The following HMGB1 variants were observed in gnomAD, a reference collection of about 807,000 sequenced individuals.
HMGB1 encodes high mobility group box 1, also known as high mobility group protein B1.
For synonymous variants in HMGB1, 81 were observed against 84.0 expected (o/e 0.96, Z 0.19); for missense variants, 79 against 253.5 (o/e 0.31, Z 4.67).
Position 30,460,042 on chromosome 13 carries a change from CGAT to C in HMGB1, c.*1312_*1314del, listed in dbSNP as rs568619692. On this transcript the variant is annotated 3_prime_UTR_variant, in exon 5 of 5. Coordinates refer to ENST00000341423, the MANE Select transcript of HMGB1 (RefSeq NM_002128.7). Reference sequence around the variant, plus strand: ...TTAAAATACTGGCACTTTAAGAAAACGATAATCTCGAAAACCACAAAATTGCCA... The same window carrying C: ...TTAAAATACTGGCACTTTAAGAAAACAATCTCGAAAACCACAAAATTGCCA... 2.0e-5 allele frequency: 3 copies of C among 152,450 alleles called. No individual in the cohort carries two copies. The highest frequency in any genetic ancestry group is 4.4e-5 in the Non-Finnish European group (3 of 67,950). The allele number at this position is 152,450 out of a possible 1,614,324, so 9.4% of individuals were successfully genotyped here.
chr13:30,515,974 A>C (rs550402566), intron 1 of HMGB1, among the ~76,000 whole-genome samples: 1 of 152,314 alleles, frequency 6.6e-6, no homozygotes, highest in Admixed American at 6.5e-5. Flanking sequence ...GGTTTCTAAA[A>C]ATTTTTATTT....
chr13:30,571,219 T>C (rs1196850724), intron 1 of HMGB1, among the ~76,000 whole-genome samples: 1 of 152,014 alleles, frequency 6.6e-6, no homozygotes, highest in African/African-American at 2.4e-5. Context: ...CAAGAAACAA[T>C]GTAGAAAGTT....
chr13:30,616,963 C>G (rs1432358001), exon 1 of HMGB1: 1 of 152,218 alleles, frequency 6.6e-6, no homozygotes, highest in Non-Finnish European at 1.5e-5. Flanking sequence ...ACCAAAAGGA[C>G]TTCTGGAATA....
chr13:30,544,853 C>G (rs1430053862), intron 1 of HMGB1, among the ~76,000 whole-genome samples: 1 of 152,170 alleles, frequency 6.6e-6, no homozygotes, highest in Admixed American at 6.5e-5. Context: ...CCTGAGCTTT[C>G]TCTGCAACTG....
At chr13:30,523,163 C>A (rs1368547599) in intron 1 of HMGB1, among the ~76,000 whole-genome samples, 2 of 152,232 alleles carry the variant, frequency 1.3e-5, no homozygotes, top group Non-Finnish European at 2.9e-5. Flanking sequence ...CCAGCAGGTA[C>A]AGTAGACATC....
At chr13:30,493,447 TC>T (rs1305181922) in intron 1 of HMGB1, among the ~76,000 whole-genome samples, 1 of 152,022 alleles carries the variant, frequency 6.6e-6, no homozygotes, top group Non-Finnish European at 1.5e-5. Context: ...AACGAGAAAA[TC>T]TGGGGGATGA....
chr13:30,500,171 C>T (rs1887701824), intron 1 of HMGB1, among the ~76,000 whole-genome samples: 1 of 152,136 alleles, frequency 6.6e-6, no homozygotes. Context: ...TCCTGCTTGT[C>T]CTTCTGCTTT....
chr13:30,466,124 G>GAGAGGC (rs910286050), upstream of HMGB1, among the ~76,000 whole-genome samples: 4 of 152,314 alleles, frequency 2.6e-5, no homozygotes, highest in Admixed American at 6.5e-5. Context: ...GCTGAGGCGG[G>GAGAGGC]AGAGGCAGAG....
chr13:30,464,533 C>T (rs1886591898), intron 1 of HMGB1: 1 of 984,754 alleles, frequency 1.0e-6, no homozygotes, highest in Non-Finnish European at 1.2e-6. Context: ...CGCGGCCCGG[C>T]TCCCAGGCCC....
At chr13:30,469,634 A>G (rs1288553334), upstream of HMGB1, among the ~76,000 whole-genome samples, 2 of 57,846 alleles carry the variant, frequency 3.5e-5, 1 homozygote, top group Non-Finnish European at 1.1e-4. Flanking sequence ...CGCCCGGCCT[A>G]TTTATTTATT....
chr13:30,584,346 T>C (rs936661557), intron 1 of HMGB1, among the ~76,000 whole-genome samples: 1 of 152,324 alleles, frequency 6.6e-6, no homozygotes, highest in Middle Eastern at 3.4e-3. Flanking sequence ...TTATATAATC[T>C]TAGCTCAAAG....
intron 1 of HMGB1, among the ~76,000 whole-genome samples, chr13:30,615,659 AT>A (rs1197022367): frequency 2.7e-5 from 4 of 149,220 alleles, no homozygotes; most frequent in East Asian, 2.0e-4. Context: ...TTCAACTCTC[AT>A]TTTTTTTTTA....
At chr13:30,598,499 G>A (rs1379412468) in intron 1 of HMGB1, among the ~76,000 whole-genome samples, 1 of 152,224 alleles carries the variant, frequency 6.6e-6, no homozygotes, top group Non-Finnish European at 1.5e-5. Flanking sequence ...TCTTCAACTG[G>A]CCTCCTCATT....
chr13:30,512,260 A>G (rs1315984455), intron 1 of HMGB1, among the ~76,000 whole-genome samples: 1 of 152,226 alleles, frequency 6.6e-6, no homozygotes, highest in Non-Finnish European at 1.5e-5. Flanking sequence ...TCTGGGAGTA[A>G]TATCAGGGAA....
intron 1 of HMGB1, among the ~76,000 whole-genome samples, chr13:30,554,918 A>G (rs144815157): frequency 4.5e-4 from 69 of 152,222 alleles, no homozygotes; most frequent in African/African-American, 1.5e-3. Flanking sequence ...GAGGCTTGCT[A>G]ACCTTCTAGA....
chr13:30,612,603 G>A (rs980697829), intron 1 of HMGB1, among the ~76,000 whole-genome samples: 3 of 152,038 alleles, frequency 2.0e-5, no homozygotes, highest in Non-Finnish European at 4.4e-5. Context: ...AAATTTCCTG[G>A]CTAAATTAAA....
intron 1 of HMGB1, among the ~76,000 whole-genome samples, chr13:30,503,910 G>A (rs1887794874): frequency 6.6e-6 from 1 of 152,034 alleles, no homozygotes; most frequent in Admixed American, 6.6e-5. Flanking sequence ...TGCAGCCTGG[G>A]CAACATAGCA....
Position 30,559,544 on chromosome 13 carries a change from G to A in HMGB1, c.-15+57127C>T, listed in dbSNP as rs140318303. Among the ~76,000 whole-genome samples the A allele has an allele frequency of 2.4e-4, 37 of 152,282 alleles. No homozygotes were observed. Among genetic ancestry groups the A allele is most frequent in the Non-Finnish European group, 4.0e-4 (27 of 68,020 alleles). The stretch of plus-strand genomic sequence containing the variant: ...TGCAAAGTAGTGTTCAGAGATGTGC[G>A]TGTAGTAGGCTGCCTGCTCTAACAC... On this transcript the variant is annotated intron_variant, in intron 1 of 4. Coordinates refer to the HMGB1 transcript ENST00000405805. The surrounding 1 kb of genome is among the most constrained non-coding windows in gnomAD (Gnocchi z 6.6).
chr13:30,477,069 C>T (rs570482111), intron 1 of HMGB1, among the ~76,000 whole-genome samples: 12 of 152,118 alleles, frequency 7.9e-5, no homozygotes, highest in Admixed American at 3.9e-4. Flanking sequence ...TATGATCTTG[C>T]GGTTATTAGC....
Sources: gnomAD v4.1 joint callset for allele counts (sites outside exome capture counted in the v4.1 genomes callset) on GRCh38, gnomAD v4.1.1 for gene constraint, Gnocchi (gnomAD v3.1) non-coding constraint, MANE v1.5 for transcripts, NCBI Gene and HGNC (gene_info 2026-07-23, HGNC 2026-07-21) for gene names.